Variants in AFM observed in about 807,000 individuals in gnomAD.
AFM encodes the protein alpha-Alb.
A neutral mutation model predicts 68.7 loss-of-function variants in AFM; 82 were observed. The ratio of observed to expected loss-of-function variants is 1.19; its 90% confidence interval spans 1.00 to 1.43. The LOEUF (loss-of-function observed/expected upper bound fraction) is 1.43. Ranked by LOEUF, AFM falls within the 40% of genes most tolerant of loss-of-function variation. AFM has a pLI of 0.00. For missense variants in AFM, 772 were observed against 701.8 expected, an observed-to-expected ratio of 1.10 and a Z score of -1.13; for synonymous variants, 250 against 234.2, an observed-to-expected ratio of 1.07 and a Z score of -0.61.
intron 8 of AFM, among the ~76,000 whole-genome samples, chr4:73,493,177 G>A (rs1721128636): frequency 6.6e-6 from 1 of 152,172 alleles, no homozygotes; most frequent in South Asian, 2.1e-4. Context: ...TGCAGCGAGA[G>A]ACCAGCATGG....
At chr4:73,503,147 T>C (rs1721464704) in intron 14 of AFM, 37 bp downstream of exon 14, 1 of 1,485,286 alleles carries the variant, frequency 6.7e-7, no homozygotes, top group Non-Finnish European at 9.4e-7. Flanking sequence ...TCAAATGTAT[T>C]TGTGGCTTAT....
At chr4:73,488,027 T>C (rs897060859) in intron 6 of AFM, among the ~76,000 whole-genome samples, 2 of 152,020 alleles carry the variant, frequency 1.3e-5, no homozygotes, top group Non-Finnish European at 2.9e-5. Flanking sequence ...CAAAAGAGAA[T>C]GGTGGCTGGG....
At position 73,499,324 on chromosome 4, in the gene AFM, G is replaced by C. The variant is rs763078193; in HGVS notation, c.1422+78G>C. 1.2e-5 allele frequency: 15 copies of C among 1,262,710 alleles called. No individual in the cohort carries two copies. The African/African-American group carries it at 1.7e-4, about 15-fold the overall frequency. 78.2% of individuals were successfully genotyped at this position (1,262,710 alleles called of 1,614,324 possible). A position where few individuals can be genotyped will look rare whatever the true frequency, so the allele number is the denominator to read the frequency against. ...GAATATTTGCACTCATTGATTTACC[G>C]TGATTATCCATATTCCTTTCTTCAC... On this transcript the variant is annotated intron_variant, in intron 11 of 14. Transcript: ENST00000226355.
chr4:73,495,700 T>A (rs1054451931), intron 9 of AFM, among the ~76,000 whole-genome samples: 1 of 152,222 alleles, frequency 6.6e-6, no homozygotes, highest in Non-Finnish European at 1.5e-5. Context: ...CTTTATGTAT[T>A]CTGTATTTTA....
chr4:73,484,451 T>G, intron 3 of AFM, 61 bp downstream of exon 3: 2 of 332,638 alleles, frequency 6.0e-6, no homozygotes, highest in South Asian at 1.5e-4. Context: ...TCTTTCTTTC[T>G]TTCTTTCTTT....
At chr4:73,501,261 C>T (rs1219784511) in intron 12 of AFM, among the ~76,000 whole-genome samples, 3 of 151,896 alleles carry the variant, frequency 2.0e-5, no homozygotes. Flanking sequence ...TTTTAATTGA[C>T]ATATAATAGT....
In AFM at chr4:73,481,842, C is replaced by A. The variant is rs1230971721; in HGVS notation, c.67C>A (p.Pro23Thr). The change falls in exon 1 of 15, where the codon CCC becomes ACC. Residue 23 changes from proline (P) to threonine (T), a missense_variant. Physicochemically the swap from Pro to Thr is conservative, Grantham distance 38. Coordinates refer to ENST00000226355, the MANE Select transcript of AFM (RefSeq NM_001133.2). ...TTTTTTGACTGAATCCCTAACCCTG[C>A]CCACACAACCTCGGGATATAGGTAA... ...LFFLTESLTL[P>T]TQPRDIENFN... 3.7e-6 allele frequency: 6 copies of A among 1,606,026 alleles called. No homozygotes were observed. The highest frequency in any genetic ancestry group is 5.1e-6 in the Non-Finnish European group (6 of 1,175,422).
chr4:73,482,425 C>A (rs2149341875), intron 1 of AFM, among the ~76,000 whole-genome samples: 1 of 152,262 alleles, frequency 6.6e-6, no homozygotes, highest in East Asian at 1.9e-4. Context: ...GTGTCTTTTT[C>A]TAATCCTTTT....
intron 13 of AFM, 152 bp downstream of exon 13, chr4:73,502,071 C>T (rs917926531): frequency 1.3e-5 from 11 of 867,850 alleles, no homozygotes; most frequent in Non-Finnish European, 1.7e-5. Context: ...GTAGACATCT[C>T]TGAAATACAC....
At chr4:73,495,723 G>T (rs928591446) in intron 9 of AFM, among the ~76,000 whole-genome samples, 1 of 151,986 alleles carries the variant, frequency 6.6e-6, no homozygotes, top group African/African-American at 2.4e-5. Context: ...AAGCCGTATT[G>T]GATATTACAT....
intron 9 of AFM, 22 bp from the exon 10 acceptor site, chr4:73,497,630 C>G: frequency 6.8e-7 from 1 of 1,477,520 alleles, no homozygotes; most frequent in Non-Finnish European, 9.4e-7. Context: ...ATGTTTGTAA[C>G]CATGATTATT....
At chr4:73,490,468 G>A (rs148954835) in intron 7 of AFM, among the ~76,000 whole-genome samples, 2 of 152,226 alleles carry the variant, frequency 1.3e-5, no homozygotes, top group East Asian at 1.9e-4. Flanking sequence ...GCCCAGGCTG[G>A]AGTGCAGTGA....
chr4:73,490,092 C>T lies in AFM; in HGVS notation c.843+1333C>T, dbSNP rs115965806. Among the ~76,000 whole-genome samples, 390 of 151,162 alleles carry T rather than the reference C, an allele frequency of 2.6e-3. 2 individuals carry two copies. The highest frequency in any genetic ancestry group is 9.3e-3 in the African/African-American group (383 of 41,156). On this transcript the variant is annotated intron_variant, in intron 7 of 14. Coordinates refer to ENST00000226355, the MANE Select transcript of AFM (RefSeq NM_001133.2). ...TTGCAGCTACTCAGGACTCAGGAAG[C>T]TAAGGAGGGAGGCTTGCTTGAGTCC...
intron 2 of AFM, 131 bp downstream of exon 2, chr4:73,484,120 G>C: frequency 1.1e-5 from 15 of 1,386,286 alleles, no homozygotes; most frequent in Non-Finnish European, 1.3e-5. Context: ...ATAAAATTCA[G>C]GCAAAGAAGT....
At chr4:73,484,440 C>CTT (rs750401051) in intron 3 of AFM, 50 bp downstream of exon 3, 14 of 1,077,148 alleles carry the variant, frequency 1.3e-5, no homozygotes, top group African/African-American at 7.7e-5. Flanking sequence ...GTCTTTCTTT[C>CTT]TCTTTCTTTC....
At chr4:73,502,894 AT>A (rs1560415292) in intron 13 of AFM, among the ~76,000 whole-genome samples, 155 bp from the exon 14 acceptor site, 1 of 152,138 alleles carries the variant, frequency 6.6e-6, no homozygotes, top group African/African-American at 2.4e-5. Context: ...TTCGGTGTCT[AT>A]TTTTTCACTA....
At chr4:73,503,138 C>CA (rs1318459850) in intron 14 of AFM, 28 bp downstream of exon 14, 31 of 1,526,444 alleles carry the variant, frequency 2.0e-5, no homozygotes, top group Non-Finnish European at 2.3e-5. Flanking sequence ...ATTCAAATGT[C>CA]AAATGTATTT....
chr4:73,503,375 T>C (rs1721470405), intron 14 of AFM, among the ~76,000 whole-genome samples: 1 of 152,154 alleles, frequency 6.6e-6, no homozygotes, highest in African/African-American at 2.4e-5. Context: ...TTAAGTCCTC[T>C]GCCTTCCTAC....
rs761163552 is a variant in AFM at position 73,486,015 on chromosome 4, C to T, written c.424C>T (p.Leu142=). Residue 142 remains leucine (L), a synonymous_variant, in exon 4 of 15, where the codon CTG becomes TTG. Coordinates refer to ENST00000226355, the MANE Select transcript of AFM (RefSeq NM_001133.2). ...GGGATTTCTGCCTCCTTTCCCTACC[C>T]TGGATCCCGAAGAGAAATGCCAGGC... The part of the protein sequence containing the change: ...DVGFLPPFPT[L]DPEEKCQAYE... The T allele has an allele frequency of 1.9e-6, 3 of 1,614,076 alleles. No homozygotes were observed. The highest frequency in any genetic ancestry group is 2.5e-6 in the Non-Finnish European group (3 of 1,179,984).
Sources: allele counts gnomAD v4.1 joint callset (sites outside exome capture counted in the v4.1 genomes callset), GRCh38; gene constraint gnomAD v4.1.1; transcripts MANE v1.5; gene names NCBI Gene and HGNC (gene_info 2026-07-23, HGNC 2026-07-21).